Variants in COL13A1 observed in about 807,000 individuals in gnomAD.
COL13A1 encodes collagen alpha-1(XIII) chain.
Under a neutral mutation model 130.9 loss-of-function variants are expected in COL13A1, and 89 were observed. The observed-to-expected ratio is 0.68, with a 90% CI of 0.57 to 0.81. The LOEUF (loss-of-function observed/expected upper bound fraction) is 0.81, where lower values mean the gene tolerates loss of function less well. Ranked by LOEUF, COL13A1 falls within the 30% of genes least tolerant of loss-of-function variation. The probability of loss-of-function intolerance (pLI) is 0.00; values close to 1 mark genes in which losing one functional copy is unlikely to be tolerated. For missense variants in COL13A1, 879 were observed against 934.6 expected, an observed-to-expected ratio of 0.94 and a Z score of 0.78; for synonymous variants, 402 against 341.6, an observed-to-expected ratio of 1.18 and a Z score of -1.95.
intron 2 of COL13A1, among the ~76,000 whole-genome samples, chr10:69,858,601 G>A (rs747395331): frequency 6.6e-6 from 1 of 152,242 alleles, no homozygotes; most frequent in Non-Finnish European, 1.5e-5. Context: ...GATGGGCAGT[G>A]TCTGGATGGA....
intron 22 of COL13A1, 74 bp downstream of exon 22, chr10:69,922,009 C>G: frequency 6.7e-7 from 1 of 1,497,260 alleles, no homozygotes; most frequent in Non-Finnish European, 9.0e-7. Flanking sequence ...CACATCCACA[C>G]AGGCCCCAGC....
At chr10:69,887,599 C>A in intron 8 of COL13A1, 108 bp downstream of exon 8, 1 of 1,233,386 alleles carries the variant, frequency 8.1e-7, no homozygotes, top group Non-Finnish European at 1.2e-6. Flanking sequence ...CTCCCAAACC[C>A]TGGTCATTAA....
chr10:69,902,387 A>T (rs573897527), intron 14 of COL13A1, among the ~76,000 whole-genome samples: 1 of 152,296 alleles, frequency 6.6e-6, no homozygotes, highest in Non-Finnish European at 1.5e-5. Context: ...AGGCAGGCCC[A>T]GGCTGAAGAT....
chr10:69,918,289 C>G lies in COL13A1; in HGVS notation c.971C>G (p.Ala324Gly), dbSNP rs191741850. 2 of 1,612,612 alleles carry G rather than the reference C, an allele frequency of 1.2e-6. No individual in the cohort carries two copies. The highest frequency in any genetic ancestry group is 8.5e-7 in the Non-Finnish European group (1 of 1,179,416). The stretch of plus-strand genomic sequence containing the variant: ...TTTTTTTTCTCTCTCTGCCAGGGGG[C>G]GCCCGGAATTGCCGTGGCTGGGATG... ...GMPGKHGAKGAPGIAVAGMKG... is the reference protein window; with the variant it reads ...GMPGKHGAKGGPGIAVAGMKG... Residue 324 changes from alanine (A) to glycine (G), a missense_variant, in exon 19 of 41, where the codon GCG becomes GGG. Transcript: ENST00000645393.
At chr10:69,806,798 G>C (rs1433159744) in intron 1 of COL13A1, among the ~76,000 whole-genome samples, 1 of 152,228 alleles carries the variant, frequency 6.6e-6, no homozygotes, top group East Asian at 1.9e-4. Context: ...CCTGAGGTCA[G>C]GAATTCAAGA....
chr10:69,806,939 G>A (rs371576615), intron 1 of COL13A1, among the ~76,000 whole-genome samples: 25 of 152,136 alleles, frequency 1.6e-4, no homozygotes, highest in East Asian at 5.8e-4. Flanking sequence ...ACTGGGAGGC[G>A]AAGTTTGCAG....
At chr10:69,938,217 C>T (rs1052218582) in intron 34 of COL13A1, among the ~76,000 whole-genome samples, 1 of 152,296 alleles carries the variant, frequency 6.6e-6, no homozygotes, top group Non-Finnish European at 1.5e-5. Flanking sequence ...CTCCTGGGTT[C>T]GTGGAGATCT....
At chr10:69,848,446 A>G (rs921699995) in intron 2 of COL13A1, among the ~76,000 whole-genome samples, 3 of 152,190 alleles carry the variant, frequency 2.0e-5, no homozygotes, top group East Asian at 3.9e-4. Flanking sequence ...AGAGAAATTA[A>G]AAGAAACTTG....
intron 12 of COL13A1, 149 bp from the exon 13 acceptor site, chr10:69,895,401 C>A: frequency 1.3e-6 from 1 of 796,028 alleles, no homozygotes. Flanking sequence ...CTTAGTTCTT[C>A]TGCCTCAGAG....
chr10:69,914,959 G>A (rs1299229001), intron 17 of COL13A1, among the ~76,000 whole-genome samples: 1 of 152,230 alleles, frequency 6.6e-6, no homozygotes, highest in Non-Finnish European at 1.5e-5. Context: ...CCCCCACCAA[G>A]CAAAGAGGGG....
chr10:69,847,802 G>A (rs993125529), intron 2 of COL13A1, among the ~76,000 whole-genome samples: 3 of 152,180 alleles, frequency 2.0e-5, no homozygotes, highest in Non-Finnish European at 4.4e-5. Flanking sequence ...TCCATCTGTG[G>A]CCCCACAGAA....
In COL13A1 at chr10:69,923,859, C is replaced by A. The variant is rs1188158851; in HGVS notation, c.1284+4C>A. The A allele has an allele frequency of 2.5e-6, 4 of 1,611,496 alleles. No individual in the cohort carries two copies. Among genetic ancestry groups the A allele is most frequent in the Non-Finnish European group, 3.4e-6 (4 of 1,179,060 alleles). ...CCCAGGGCAGCCAGGAGACAAGGTA[C>A]AGAGACCCCCACATCCCAGAGCTGC... is the stretch of plus-strand genomic sequence containing the variant. On this transcript the variant is annotated splice_donor_region_variant and intron_variant, in intron 24 of 40. Coordinates refer to ENST00000645393, the MANE Select transcript of COL13A1 (RefSeq NM_001368882.1).
At position 69,932,306 on chromosome 10, in the gene COL13A1, C is replaced by T. The variant is rs142368548; in HGVS notation, c.1684-254C>T. Among the ~76,000 whole-genome samples the T allele has an allele frequency of 7.3e-3, 1,114 of 152,276 alleles. 10 individuals are homozygous for T. Among genetic ancestry groups the T allele is most frequent in the Non-Finnish European group, 9.3e-3 (634 of 68,026 alleles). On this transcript the variant is annotated intron_variant, in intron 30 of 40. Coordinates refer to ENST00000645393, the MANE Select transcript of COL13A1 (RefSeq NM_001368882.1). ...CACCTTTGCCATGTGCCTTACTCCA[C>T]GGCTAAGAAACAAGTCACAGGTCAC...
chr10:69,939,410 T>C (rs1335233525), intron 34 of COL13A1, among the ~76,000 whole-genome samples: 2 of 152,246 alleles, frequency 1.3e-5, no homozygotes, highest in Non-Finnish European at 2.9e-5. Flanking sequence ...CCATAAAAAA[T>C]ATGTCAGTGG....
chr10:69,865,139 A>C (rs534498191), intron 2 of COL13A1, among the ~76,000 whole-genome samples: 1 of 152,308 alleles, frequency 6.6e-6, no homozygotes, highest in East Asian at 1.9e-4. Context: ...TCTCACCGCC[A>C]TCACCTGCCC....
chr10:69,882,070 C>T (rs1340898145), intron 7 of COL13A1, among the ~76,000 whole-genome samples: 1 of 152,224 alleles, frequency 6.6e-6, no homozygotes, highest in Non-Finnish European at 1.5e-5. Context: ...GGAGGTGCAG[C>T]ACCAATGCCC....
intron 2 of COL13A1, among the ~76,000 whole-genome samples, chr10:69,857,736 T>C (rs933719162): frequency 2.0e-5 from 3 of 151,906 alleles, no homozygotes; most frequent in Admixed American, 2.0e-4. Context: ...AGGCAGGAGG[T>C]GCTGCCTCTC....
intron 33 of COL13A1, among the ~76,000 whole-genome samples, chr10:69,937,163 C>A (rs1245637428): frequency 6.6e-6 from 1 of 152,202 alleles, no homozygotes; most frequent in East Asian, 1.9e-4. Flanking sequence ...GCTCTCCCGG[C>A]CTCCCCTGAA....
intron 2 of COL13A1, among the ~76,000 whole-genome samples, chr10:69,824,706 G>T (rs1227766): frequency 0.8 from 121,027 of 152,146 alleles, 48,284 homozygotes; most frequent in South Asian, 0.89. Context: ...CAAGGGCTGA[G>T]TTGGCCAGGC....
Sources: allele counts gnomAD v4.1 joint callset (sites outside exome capture counted in the v4.1 genomes callset), GRCh38; gene constraint gnomAD v4.1.1; transcripts MANE v1.5; gene names NCBI Gene and HGNC (gene_info 2026-07-23, HGNC 2026-07-21).